NLGN1: variants seen among roughly 807,000 people sequenced by gnomAD.
The protein encoded by NLGN1 is neuroligin-1.
NLGN1 carries 12 observed loss-of-function variants against 65.5 expected under a neutral mutation model. The observed-to-expected ratio is 0.18, with a 90% CI of 0.12 to 0.30. The LOEUF (loss-of-function observed/expected upper bound fraction) is 0.30, where lower values mean the gene tolerates loss of function less well. NLGN1 is among the 10% of genes least tolerant of loss of function. The probability of loss-of-function intolerance (pLI) is 1.00; values close to 1 mark genes in which losing one functional copy is unlikely to be tolerated. For synonymous variants in NLGN1, 350 were observed against 359.5 expected (o/e 0.97, Z 0.30); for missense variants, 750 against 1,007.1 (o/e 0.74, Z 3.46).
intron 1 of NLGN1, among the ~76,000 whole-genome samples, chr3:173,426,225 GT>G (rs1321721071): frequency 6.6e-6 from 1 of 151,986 alleles, no homozygotes; most frequent in Non-Finnish European, 1.5e-5. Context: ...GTTCTAACAG[GT>G]TTTTGGTGGA....
chr3:173,965,417 A>G (rs1195404294), intron 4 of NLGN1, among the ~76,000 whole-genome samples: 1 of 151,766 alleles, frequency 6.6e-6, no homozygotes, highest in Non-Finnish European at 1.5e-5. Flanking sequence ...TCCCGGGTTC[A>G]AGAGATTCTC....
intron 4 of NLGN1, among the ~76,000 whole-genome samples, chr3:174,221,667 G>T (rs1738681967): frequency 6.6e-6 from 1 of 151,278 alleles, no homozygotes; most frequent in South Asian, 2.1e-4. Flanking sequence ...AAATTGGGTT[G>T]CTTAAACAAG....
chr3:174,005,541 G>T (rs955593619), intron 4 of NLGN1, among the ~76,000 whole-genome samples: 1 of 152,098 alleles, frequency 6.6e-6, no homozygotes, highest in African/African-American at 2.4e-5. Flanking sequence ...CTGTCAACTT[G>T]TTCCTGTCCT....
intron 2 of NLGN1, among the ~76,000 whole-genome samples, chr3:173,587,916 A>G (rs1323593965): frequency 1.3e-5 from 2 of 152,164 alleles, no homozygotes; most frequent in Non-Finnish European, 2.9e-5. Context: ...TGATTTTGAG[A>G]TGATTAACTA....
At chr3:173,998,409 C>T (rs147914789) in intron 4 of NLGN1, among the ~76,000 whole-genome samples, 114 of 152,196 alleles carry the variant, frequency 7.5e-4, no homozygotes, top group African/African-American at 2.5e-3. Flanking sequence ...GGAGGTAATT[C>T]GTAATGTTCT....
intron 3 of NLGN1, among the ~76,000 whole-genome samples, chr3:173,674,335 T>G (rs1425672254): frequency 1.3e-5 from 2 of 152,184 alleles, no homozygotes; most frequent in African/African-American, 4.8e-5. Context: ...AGGATATTTA[T>G]TGTGCCCTTA....
chr3:173,938,953 A>G (rs962507557), intron 4 of NLGN1, among the ~76,000 whole-genome samples: 11 of 152,304 alleles, frequency 7.2e-5, no homozygotes, highest in Admixed American at 2.0e-4. Flanking sequence ...AAGTAAATCA[A>G]TGCTTTCCAA....
intron 3 of NLGN1, among the ~76,000 whole-genome samples, chr3:173,661,449 C>G (rs1429383137): frequency 1.3e-5 from 2 of 151,938 alleles, no homozygotes; most frequent in African/African-American, 4.8e-5. Flanking sequence ...AGGTTCTCAG[C>G]ACTGGGTGAA....
rs537771211 is a variant in NLGN1, at chr3:173,623,153, C to G, written c.493+18062C>G. ...AGACCCATTCTGCCTCTAAAATGGC[C>G]TCTACATAAACCTCGGTGAAGGTTA... On this transcript the variant is annotated intron_variant, in intron 3 of 6. Coordinates refer to ENST00000457714, the Ensembl canonical transcript of NLGN1. Among the ~76,000 whole-genome samples the G allele has an allele frequency of 1.4e-4, 21 of 152,088 alleles. No homozygotes were observed. In the South Asian group the frequency reaches 4.4e-3, roughly 32 times the overall value.
intron 4 of NLGN1, among the ~76,000 whole-genome samples, chr3:173,898,219 A>G (rs958541852): frequency 6.6e-6 from 1 of 152,206 alleles, no homozygotes; most frequent in Admixed American, 6.5e-5. Flanking sequence ...CAATCTTTCA[A>G]TCATTGAGAT....
chr3:173,815,006 C>A (rs1011607397), intron 4 of NLGN1, among the ~76,000 whole-genome samples: 2 of 151,698 alleles, frequency 1.3e-5, no homozygotes, highest in African/African-American at 4.8e-5. Context: ...TTTCTCTTCT[C>A]TTTTCTTTTC....
chr3:173,827,629 ATG>A lies in NLGN1; in HGVS notation c.646+19832_646+19833del, dbSNP rs59670610. 3.9e-3 allele frequency among the ~76,000 whole-genome samples: 575 copies of A among 146,992 alleles called. 8 individuals carry two copies. Among genetic ancestry groups the A allele is most frequent in the African/African-American group, 0.012 (458 of 39,674 alleles). On this transcript the variant is annotated intron_variant, in intron 4 of 6. Transcript: ENST00000457714. Reference sequence around the variant, plus strand: ...ATGAGGGATCATATATATTTATGATATGTGTGTGTGTGTGTGTGTGTGTGTGT... The same window carrying A: ...ATGAGGGATCATATATATTTATGATATGTGTGTGTGTGTGTGTGTGTGTGT...
At chr3:174,192,042 A>G (rs562631326) in intron 4 of NLGN1, among the ~76,000 whole-genome samples, 1 of 152,190 alleles carries the variant, frequency 6.6e-6, no homozygotes, top group Non-Finnish European at 1.5e-5. Flanking sequence ...ATGCAAAGCC[A>G]ATAAAATTAT....
chr3:174,105,884 A>G (rs747928246), intron 4 of NLGN1, among the ~76,000 whole-genome samples: 4 of 152,104 alleles, frequency 2.6e-5, no homozygotes, highest in Non-Finnish European at 5.9e-5. Flanking sequence ...ACACTATCCC[A>G]TGGCCATGGA....
chr3:173,677,760 A>C (rs1437444645), intron 3 of NLGN1, among the ~76,000 whole-genome samples: 1 of 152,154 alleles, frequency 6.6e-6, no homozygotes, highest in Non-Finnish European at 1.5e-5. Flanking sequence ...ACTGTGGCTA[A>C]GGACTCACAT....
At chr3:173,590,475 TA>T (rs1748289166) in intron 2 of NLGN1, among the ~76,000 whole-genome samples, 1 of 152,178 alleles carries the variant, frequency 6.6e-6, no homozygotes, top group Non-Finnish European at 1.5e-5. Context: ...ACTGTACTAG[TA>T]GTCTGTATAA....
chr3:173,984,840 G>A lies in NLGN1; in HGVS notation c.646+177008G>A, dbSNP rs538246514. ...AGGTGGATCACAACGTCAGGAGTTCGAGACCAGCCTAGTCAATATGGTGAA... is the reference window on the plus strand; with the variant it reads ...AGGTGGATCACAACGTCAGGAGTTCAAGACCAGCCTAGTCAATATGGTGAA... On this transcript the variant is annotated intron_variant, in intron 4 of 6. Coordinates refer to ENST00000457714, the Ensembl canonical transcript of NLGN1. 5.9e-5 allele frequency among the ~76,000 whole-genome samples: 9 copies of A among 152,180 alleles called. No homozygotes were observed. In the South Asian group the frequency reaches 8.3e-4, roughly 14 times the overall value.
intron 4 of NLGN1, among the ~76,000 whole-genome samples, chr3:173,932,977 A>G (rs1231736462): frequency 6.6e-6 from 1 of 152,088 alleles, no homozygotes; most frequent in East Asian, 1.9e-4. Flanking sequence ...TATAAAGGTA[A>G]TGGGGTGGTG....
downstream of NLGN1, among the ~76,000 whole-genome samples, chr3:174,289,900 T>C (rs945475864): frequency 3.5e-5 from 5 of 141,334 alleles, no homozygotes; most frequent in African/African-American, 5.0e-5. Context: ...GGGCACTTTA[T>C]ATATATATAT....
Sources: allele counts gnomAD v4.1 joint callset (sites outside exome capture counted in the v4.1 genomes callset), GRCh38; gene constraint gnomAD v4.1.1; transcripts MANE v1.5; gene names NCBI Gene and HGNC (gene_info 2026-07-23, HGNC 2026-07-21).